IQSEC1: variants seen among roughly 807,000 people sequenced by gnomAD.
IQSEC1 encodes IQ motif and SEC7 domain-containing protein 1.
IQSEC1 carries 31 observed loss-of-function variants against 91.0 expected under a neutral mutation model. The ratio of observed to expected loss-of-function variants is 0.34; its 90% CI spans 0.26 to 0.46. The LOEUF is 0.46. Among genes scored for constraint, IQSEC1 ranks in the 20% least tolerant of loss-of-function variants. The pLI is 1.00. For synonymous variants in IQSEC1, 699 were observed against 662.6 expected (o/e 1.05, Z -0.84); for missense variants, 1,388 against 1,575.6 (o/e 0.88, Z 2.02).
intron 1 of IQSEC1, among the ~76,000 whole-genome samples, chr3:12,985,767 C>T (rs954191006): frequency 1.3e-5 from 2 of 152,164 alleles, no homozygotes; most frequent in Non-Finnish European, 2.9e-5. Flanking sequence ...AAAATACTTT[C>T]CATGTTTCTA....
intron 1 of IQSEC1, among the ~76,000 whole-genome samples, chr3:13,231,113 A>C (rs977161394): frequency 6.6e-6 from 1 of 152,224 alleles, no homozygotes; most frequent in Non-Finnish European, 1.5e-5. Context: ...AGCTCTTTTC[A>C]AACTGATGTC....
intron 1 of IQSEC1, among the ~76,000 whole-genome samples, chr3:13,204,433 C>T (rs1694303537): frequency 6.6e-6 from 1 of 152,276 alleles, no homozygotes; most frequent in Admixed American, 6.5e-5. Context: ...AGCACTGTCG[C>T]ACTTCCCCCT....
chr3:13,015,996 C>A (rs539812724), intron 1 of IQSEC1, among the ~76,000 whole-genome samples: 4 of 152,226 alleles, frequency 2.6e-5, no homozygotes, highest in Admixed American at 2.6e-4. Flanking sequence ...TGCACTGTCA[C>A]GGAGGGCCAG....
At chr3:13,028,368 G>A (rs956709332) in intron 1 of IQSEC1, among the ~76,000 whole-genome samples, 5 of 152,228 alleles carry the variant, frequency 3.3e-5, no homozygotes, top group African/African-American at 1.2e-4. Context: ...GCTGTCCCCC[G>A]AGGCTGGGCC....
At chr3:13,077,086 T>C (rs1705575402), upstream of IQSEC1, among the ~76,000 whole-genome samples, 1 of 151,666 alleles carries the variant, frequency 6.6e-6, no homozygotes, top group South Asian at 2.1e-4. Context: ...TGGAGTGCAG[T>C]GGCTTTCACG....
chr3:13,068,533 C>G (rs1277390867), intron 1 of IQSEC1, among the ~76,000 whole-genome samples: 1 of 152,206 alleles, frequency 6.6e-6, no homozygotes, highest in Admixed American at 6.5e-5. Context: ...GTTCCCCAAC[C>G]TCTTTAACCC....
At chr3:13,022,546 T>A in intron 1 of IQSEC1, 2 of 819,492 alleles carry the variant, frequency 2.4e-6, no homozygotes, top group Non-Finnish European at 2.9e-6. Context: ...GGGCTGGCCC[T>A]GCGTCCAGAG....
At chr3:13,233,746 G>A (rs192388625) in intron 1 of IQSEC1, among the ~76,000 whole-genome samples, 149 of 152,280 alleles carry the variant, frequency 9.8e-4, no homozygotes, top group African/African-American at 3.4e-3. Flanking sequence ...TGAGAAACAG[G>A]TCCAGAGGTG....
chr3:12,980,823 G>A (rs1332743257), intron 1 of IQSEC1, among the ~76,000 whole-genome samples: 1 of 152,176 alleles, frequency 6.6e-6, no homozygotes, highest in Admixed American at 6.5e-5. Flanking sequence ...CCTGCCTGCA[G>A]GGACCCAAGT....
At chr3:13,148,667 G>C (rs1706937722) in intron 2 of IQSEC1, among the ~76,000 whole-genome samples, 1 of 152,228 alleles carries the variant, frequency 6.6e-6, no homozygotes, top group Non-Finnish European at 1.5e-5. Flanking sequence ...CTGGTTCCAG[G>C]TCACCACAGT....
chr3:13,205,035 T>C (rs1694318435), intron 1 of IQSEC1, among the ~76,000 whole-genome samples: 1 of 151,848 alleles, frequency 6.6e-6, no homozygotes, highest in Non-Finnish European at 1.5e-5. Context: ...CGACCTCAGG[T>C]GATCCGCCCT....
At chr3:12,942,385 G>A (rs769927778) in intron 1 of IQSEC1, among the ~76,000 whole-genome samples, 18 of 152,174 alleles carry the variant, frequency 1.2e-4, no homozygotes, top group African/African-American at 3.4e-4. Context: ...GGCGGATCAC[G>A]AGGTCAGGAA....
intron 1 of IQSEC1, among the ~76,000 whole-genome samples, chr3:13,269,288 G>C (rs1695552594): frequency 6.6e-6 from 1 of 152,220 alleles, no homozygotes; most frequent in Non-Finnish European, 1.5e-5. Context: ...GAGAAGGTGG[G>C]ACTGAGAAGG....
chr3:13,026,060 T>C (rs148468325), intron 1 of IQSEC1, among the ~76,000 whole-genome samples: 88 of 152,340 alleles, frequency 5.8e-4, no homozygotes, highest in Admixed American at 2.2e-3. Flanking sequence ...TGCCTCCTGG[T>C]TCCTGACGGG....
intron 12 of IQSEC1, among the ~76,000 whole-genome samples, chr3:12,904,357 A>C (rs985350752): frequency 2.6e-5 from 4 of 152,260 alleles, no homozygotes; most frequent in Non-Finnish European, 5.9e-5. Context: ...CACTACTGGG[A>C]AAGGGCCACA....
At chr3:12,925,286 C>T (rs1387734126) in intron 3 of IQSEC1, among the ~76,000 whole-genome samples, 1 of 152,208 alleles carries the variant, frequency 6.6e-6, no homozygotes, top group African/African-American at 2.4e-5. Flanking sequence ...TAACAGCAAC[C>T]ACAGCACCGG....
chr3:13,018,319 T>C (rs1053187059), intron 1 of IQSEC1, among the ~76,000 whole-genome samples: 1 of 152,106 alleles, frequency 6.6e-6, no homozygotes, highest in Non-Finnish European at 1.5e-5. Flanking sequence ...ACGGCCCTCC[T>C]GCCCAGATGC....
At chr3:13,061,327 A>G (rs989719550) in intron 1 of IQSEC1, among the ~76,000 whole-genome samples, 1 of 152,204 alleles carries the variant, frequency 6.6e-6, no homozygotes, top group Admixed American at 6.5e-5. Context: ...TTTCAGGTTG[A>G]TCTGGAATAA....
chr3:13,178,772 A>C (rs1693783258), intron 1 of IQSEC1, among the ~76,000 whole-genome samples: 1 of 152,230 alleles, frequency 6.6e-6, no homozygotes, highest in Non-Finnish European at 1.5e-5. Context: ...CTACAAATCC[A>C]AGAAGGCATA....
Sources: allele counts gnomAD v4.1 joint callset (sites outside exome capture counted in the v4.1 genomes callset), GRCh38; gene constraint gnomAD v4.1.1; transcripts MANE v1.5; gene names NCBI Gene and HGNC (gene_info 2026-07-23, HGNC 2026-07-21).